The following STK24 variants were observed in gnomAD, a reference collection of about 807,000 sequenced individuals.
STK24 encodes serine/threonine-protein kinase 24.
Under a neutral mutation model 55.6 loss-of-function variants are expected in STK24, and 21 were observed. The observed-to-expected ratio is 0.38, with a 90% CI of 0.27 to 0.54. The LOEUF (loss-of-function observed/expected upper bound fraction) is 0.54, where lower values mean the gene tolerates loss of function less well. Ranked by LOEUF, STK24 falls within the 20% of genes least tolerant of loss-of-function variation. The pLI is 0.79. For missense variants in STK24, 383 were observed against 538.4 expected (o/e 0.71, Z 2.86); for synonymous variants, 200 against 215.2 (o/e 0.93, Z 0.62).
At chr13:98,501,528 C>T (rs1895462920) in intron 2 of STK24, among the ~76,000 whole-genome samples, 2 of 152,140 alleles carry the variant, frequency 1.3e-5, no homozygotes, top group Admixed American at 1.3e-4. Context: ...AGAAAACCAC[C>T]TTATCTGAAT....
intron 1 of STK24, among the ~76,000 whole-genome samples, chr13:98,541,100 C>T (rs569667561): frequency 6.6e-6 from 1 of 152,268 alleles, no homozygotes; most frequent in East Asian, 1.9e-4. Context: ...AGGACTCAGA[C>T]CTTAGTTATA....
intron 2 of STK24, among the ~76,000 whole-genome samples, chr13:98,512,589 T>A (rs56000352): frequency 0.095 from 12,327 of 129,462 alleles, 599 homozygotes; most frequent in African/African-American, 0.13. Flanking sequence ...TTTTTTTTTT[T>A]AAAAAGGGAA....
At chr13:98,453,458 GAT>G (rs920763922) in intron 10 of STK24, 32 of 498,750 alleles carry the variant, frequency 6.4e-5, no homozygotes, top group African/African-American at 5.0e-4. Context: ...TCCCTGGAGA[GAT>G]GTGAATAAAA....
At chr13:98,457,766 G>C (rs187352794) in intron 9 of STK24, among the ~76,000 whole-genome samples, 2 of 152,136 alleles carry the variant, frequency 1.3e-5, no homozygotes, top group African/African-American at 4.8e-5. Flanking sequence ...CACTGTGCCC[G>C]GCCCGGGTTC....
rs1894296128 is a variant in STK24 at position 98,474,678 on chromosome 13, A to C, written c.597+143T>G. 3 of 1,075,316 alleles carry C rather than the reference A, an allele frequency of 2.8e-6. No homozygotes were observed. In the Admixed American group the frequency reaches 7.3e-5, roughly 26 times the overall value. 66.6% of individuals were successfully genotyped at this position (1,075,316 alleles called of 1,614,324 possible). A position where few individuals can be genotyped will look rare whatever the true frequency, so the allele number is the denominator to read the frequency against. On this transcript the variant is annotated intron_variant, in intron 5 of 10. Transcript: ENST00000539966. ...GGAGACAGAGGAGAAAACTGTTCAT[A>C]ACCAAGGTTGAAGAATTACCTTTAT...
intron 1 of STK24, among the ~76,000 whole-genome samples, chr13:98,529,892 G>C (rs1304553647): frequency 6.6e-6 from 1 of 152,046 alleles, no homozygotes; most frequent in African/African-American, 2.4e-5. Flanking sequence ...AGAAATCCAC[G>C]GACCTTTAAA....
chr13:98,534,589 T>C (rs78611220), intron 1 of STK24, among the ~76,000 whole-genome samples: 8,324 of 152,176 alleles, frequency 0.055, 275 homozygotes, highest in South Asian at 0.11. Flanking sequence ...CCAAAACTGC[T>C]CCTGGGGATA....
Position 98,445,290 on chromosome 13 carries a change from G to C in STK24, c.*7883C>G, listed in dbSNP as rs1892753410. ...CAGTGGCATTAAGTGCCTTTACAAGGTGGTGCAACTGCTTTGAGTCTCTGC... is the reference window on the plus strand; with the variant it reads ...CAGTGGCATTAAGTGCCTTTACAAGCTGGTGCAACTGCTTTGAGTCTCTGC... On this transcript the variant is annotated 3_prime_UTR_variant, in exon 11 of 11. Transcript: ENST00000539966. 1 of 152,294 alleles carries C rather than the reference G, an allele frequency of 6.6e-6. No individual in the cohort carries two copies. Among genetic ancestry groups the C allele is most frequent in the African/African-American group, 2.4e-5 (1 of 41,468 alleles). 9.4% of individuals were successfully genotyped at this position (152,294 alleles called of 1,614,324 possible).
At chr13:98,460,912 A>C (rs6491427) in intron 8 of STK24, among the ~76,000 whole-genome samples, 2 of 151,424 alleles carry the variant, frequency 1.3e-5, no homozygotes, top group African/African-American at 4.9e-5. Flanking sequence ...ACTGGGCGTG[A>C]TGTCACATGC....
chr13:98,544,158 C>T (rs1896971062), intron 1 of STK24, among the ~76,000 whole-genome samples: 1 of 152,224 alleles, frequency 6.6e-6, no homozygotes, highest in Non-Finnish European at 1.5e-5. Flanking sequence ...ACTACTCTCA[C>T]CTGAACCCAC....
Position 98,559,597 on chromosome 13 carries a change from CACAAAGTCT to C in STK24, c.42+17139_42+17147del, listed in dbSNP as rs1226591198. On this transcript the variant is annotated intron_variant, in intron 1 of 10. Transcript: ENST00000539966. ...AGTTTTTGTCATGCGATTAAATGGCCACAAAGTCTACACTTACGTACCATTTTTCGTAAA... is the reference window on the plus strand; with the variant it reads ...AGTTTTTGTCATGCGATTAAATGGCCACACTTACGTACCATTTTTCGTAAA... 4.6e-5 allele frequency among the ~76,000 whole-genome samples: 7 copies of C among 152,192 alleles called. No homozygotes were observed. The East Asian group carries it at 1.3e-3, about 29-fold the overall frequency.
At chr13:98,514,706 C>T (rs117671507) in intron 2 of STK24, among the ~76,000 whole-genome samples, 2,000 of 152,228 alleles carry the variant, frequency 0.013, 25 homozygotes, top group Non-Finnish European at 0.022. Context: ...AGACCTCGCA[C>T]CTGATTTGCT....
intron 1 of STK24, among the ~76,000 whole-genome samples, chr13:98,566,899 C>A (rs9517353): frequency 0.17 from 25,474 of 152,184 alleles, 2,194 homozygotes; most frequent in African/African-American, 0.18. Flanking sequence ...CTTTCTTCAT[C>A]TGGAGTTCAA....
intron 3 of STK24, among the ~76,000 whole-genome samples, chr13:98,479,686 A>G (rs1030110360): frequency 6.6e-6 from 1 of 152,092 alleles, no homozygotes; most frequent in African/African-American, 2.4e-5. Flanking sequence ...GCATCTGTAA[A>G]TTTCCAGATG....
intron 1 of STK24, among the ~76,000 whole-genome samples, chr13:98,531,795 G>A (rs999605802): frequency 2.6e-5 from 4 of 152,084 alleles, no homozygotes; most frequent in African/African-American, 9.7e-5. Context: ...ACTACCCAAC[G>A]ATGCCTATCG....
At chr13:98,468,593 G>A (rs1272971587) in intron 5 of STK24, among the ~76,000 whole-genome samples, 3 of 152,194 alleles carry the variant, frequency 2.0e-5, no homozygotes, top group African/African-American at 7.2e-5. Flanking sequence ...ACACCAACAG[G>A]TGGCTCTCAA....
At chr13:98,453,274 A>G (rs1391071956) in intron 10 of STK24, 65 bp from the exon 11 acceptor site, 2 of 1,512,686 alleles carry the variant, frequency 1.3e-6, no homozygotes, top group East Asian at 2.3e-5. Flanking sequence ...AAAAATTCAT[A>G]TAGTAACCAA....
rs145287349 is a variant in STK24 at position 98,552,011 on chromosome 13, G to A, written c.42+24734C>T. ...AGGAAAAAAAAGTCAAATGGCCTTC[G>A]CAAGCCTTCTCTTCAGCTCTAAATG... On this transcript the variant is annotated intron_variant, in intron 1 of 10. Coordinates refer to ENST00000539966, the MANE Select transcript of STK24 (RefSeq NM_001032296.4). 3.3e-4 allele frequency among the ~76,000 whole-genome samples: 50 copies of A among 152,184 alleles called. 1 individual carries two copies. The East Asian group carries it at 8.9e-3, about 27-fold the overall frequency.
At chr13:98,528,960 T>C (rs1212083728) in intron 1 of STK24, among the ~76,000 whole-genome samples, 5 of 152,150 alleles carry the variant, frequency 3.3e-5, no homozygotes, top group Admixed American at 2.0e-4. Flanking sequence ...CTCACCACTC[T>C]GGCCTTGGCA....
Sources: gnomAD v4.1 joint callset for allele counts (sites outside exome capture counted in the v4.1 genomes callset) on GRCh38, gnomAD v4.1.1 for gene constraint, MANE v1.5 for transcripts, NCBI Gene and HGNC (gene_info 2026-07-23, HGNC 2026-07-21) for gene names.